The following TTN variants were observed in gnomAD, a reference collection of about 807,000 sequenced individuals.
TTN encodes the protein titin.
Under a neutral mutation model 3,223.0 loss-of-function variants are expected in TTN, and 1,525 were observed. The observed-to-expected ratio is 0.47, with a 90% CI of 0.45 to 0.49. The LOEUF is 0.49. Ranked by LOEUF, TTN falls within the 20% of genes least tolerant of loss-of-function variation. TTN has a pLI of 0.00. For missense variants in TTN, 40,786 were observed against 43,424.0 expected (o/e 0.94, Z 5.40); for synonymous variants, 14,094 against 15,161.0 (o/e 0.93, Z 5.17).
chr2:178,541,695 G>A (rs1455602336), intron 349 of TTN, 111 bp from the exon 350 acceptor site: 14 of 794,548 alleles, frequency 1.8e-5, no homozygotes, highest in Non-Finnish European at 2.5e-5. Flanking sequence ...AGGTACATAA[G>A]GCACATGACT....
chr2:178,749,315 T>C lies in TTN; in HGVS notation c.11311+3809A>G, dbSNP rs920136466. The C allele has an allele frequency of 4.3e-6, 7 of 1,612,180 alleles. No individual in the cohort carries two copies. The African/African-American group carries it at 9.4e-5, about 22-fold the overall frequency. ...TGATTTTTCACTTACATGTCTCTCTTTCCCTTCAGCCTGACATTGTATGAA... is the reference window on the plus strand; with the variant it reads ...TGATTTTTCACTTACATGTCTCTCTCTCCCTTCAGCCTGACATTGTATGAA... On this transcript the variant is annotated intron_variant, in intron 47 of 362. Coordinates refer to ENST00000589042, the MANE Select transcript of TTN (RefSeq NM_001267550.2).
chr2:178,677,782 A>C lies in TTN; in HGVS notation c.34130T>G (p.Val11377Gly). The C allele has an allele frequency of 1.2e-6, 2 of 1,612,642 alleles. No individual in the cohort carries two copies. Among genetic ancestry groups the C allele is most frequent in the Non-Finnish European group, 1.7e-6 (2 of 1,179,114 alleles). Residue 11377 changes from valine to glycine, a missense_variant, in exon 146 of 363, where the codon GTT (valine) becomes GGT (glycine). Transcript: ENST00000589042. ...TAGAACTTCCTCTTCTTCAGGTAGA[A>C]CTTCCTCTTCCTCAGGTAGAACTTC... ...EEEVLPEEEE[V>G]LPEEEEVLPE...
Position 178,597,924 on chromosome 2 carries a change from T to A in TTN, c.57246A>T (p.Glu19082Asp). 6.2e-7 allele frequency: 1 copy of A among 1,613,310 alleles called. No homozygotes were observed. Among genetic ancestry groups the A allele is most frequent in the Non-Finnish European group, 8.5e-7 (1 of 1,179,560 alleles). The change falls in exon 293 of 363, where the codon GAA becomes GAT. Residue 19082 changes from glutamate to aspartate, a missense_variant. Physicochemically the swap from Glu to Asp is conservative, Grantham distance 45. Transcript: ENST00000589042. ...GEPGEVTDVI[E>D]MKDRLVSPDL... ...GATAATTACCAAGTCTGTCCTTCAT[T>A]TCAATGACATCTGTGACCTCTCCAG...
At chr2:178,756,176 G>T (rs766284313) in intron 46 of TTN, 46 bp downstream of exon 46, 10 of 1,388,034 alleles carry the variant, frequency 7.2e-6, no homozygotes, top group Admixed American at 1.9e-5. Flanking sequence ...GCTGCATAAA[G>T]CGATGAGGAT....
chr2:178,714,843 C>G (rs1255956870), intron 90 of TTN, 143 bp downstream of exon 90: 11 of 1,152,550 alleles, frequency 9.5e-6, no homozygotes, highest in Non-Finnish European at 1.3e-5. Context: ...GGGAAGCAGA[C>G]TAAACAGAAA....
At chr2:178,639,149 TTTTC>T (rs2060896796) in intron 223 of TTN, among the ~76,000 whole-genome samples, 1 of 152,072 alleles carries the variant, frequency 6.6e-6, no homozygotes, top group Non-Finnish European at 1.5e-5. Flanking sequence ...TCTTTTTTCT[TTTTC>T]TTTCTTATTG....
intron 6 of TTN, 116 bp downstream of exon 6, chr2:178,799,370 GA>G: frequency 1.3e-6 from 2 of 1,518,020 alleles, no homozygotes. Flanking sequence ...GCGGGACACT[GA>G]AGAAGCGAAC....
rs1367956279 is a variant in TTN at position 178,616,883 on chromosome 2, T to C, written c.48006A>G (p.Val16002=). 1 of 1,612,624 alleles carries C rather than the reference T, an allele frequency of 6.2e-7. No individual in the cohort carries two copies. Among genetic ancestry groups the C allele is most frequent in the Non-Finnish European group, 8.5e-7 (1 of 1,179,198 alleles). The change falls in exon 256 of 363, where the codon GTA becomes GTG. Residue 16002 remains valine, a synonymous_variant. Coordinates refer to ENST00000589042, the MANE Select transcript of TTN (RefSeq NM_001267550.2). ...PTATWCFGDK[V]LETGDRVKMK... is the part of the protein sequence containing the mutation. ...TTTTCACCCGGTCCCCTGTTTCTAG[T>C]ACTTTATCTCCAAAACACCAGGTTG... is the stretch of plus-strand genomic sequence containing the variant.
rs779011085 is a variant in TTN at position 178,619,596 on chromosome 2, G to C, written c.46696+25C>G. 4.4e-6 allele frequency: 7 copies of C among 1,602,990 alleles called. 1 individual carries two copies. In the South Asian group the frequency reaches 6.7e-5, roughly 15 times the overall value. ...AATCTAAACTCTGTGATATTGGAAG[G>C]ATATTTTAAAATAAAGGGACTGACC... On this transcript the variant is annotated intron_variant, in intron 250 of 362. Coordinates refer to ENST00000589042, the MANE Select transcript of TTN (RefSeq NM_001267550.2).
chr2:178,688,310 G>A, intron 126 of TTN, 86 bp from the exon 127 acceptor site: 3 of 1,201,832 alleles, frequency 2.5e-6, no homozygotes, highest in Non-Finnish European at 3.7e-6. Flanking sequence ...ATGGATAACT[G>A]TTCTTCTATC....
chr2:178,612,888 C>G lies in TTN; in HGVS notation c.49833G>C (p.Leu16611Phe), dbSNP rs758670411. ...CCTGTCCTTCCATGAGCCCTGGGAG[C>G]AAGTGCTGAGTGGTGGGAACCCCTT... ...VAEGVPTTQH[L>F]LPGLMEGQEY... is the part of the protein sequence containing the mutation. The change falls in exon 265 of 363, where the codon TTG (leucine) becomes TTC (phenylalanine). Residue 16611 changes from leucine to phenylalanine, a missense_variant. Transcript: ENST00000589042. 1 of 1,612,568 alleles carries G rather than the reference C, an allele frequency of 6.2e-7. No homozygotes were observed. Among genetic ancestry groups the G allele is most frequent in the East Asian group, 2.2e-5 (1 of 44,542 alleles).
At position 178,548,756 on chromosome 2, in the gene TTN, G is replaced by A; in HGVS notation, c.92870C>T (p.Ala30957Val). ...GTTAGAGTCTGGTTTGCTCCACACA[G>A]CTGTAGGAGTAGGTCTACCTTGGTA... ...IAYQGRPTPTAVWSKPDSNLS... is the reference protein window; with the variant it reads ...IAYQGRPTPTVVWSKPDSNLS... Residue 30957 changes from alanine to valine, a missense_variant, in exon 339 of 363, where the codon GCT becomes GTT. By Grantham distance (64) the Ala-to-Val change is moderately conservative (BLOSUM62 0). Coordinates refer to ENST00000589042, the MANE Select transcript of TTN (RefSeq NM_001267550.2). This position sits in a 1 kb window ranked among gnomAD's most constrained non-coding sequence, Gnocchi z 4.3. 1 of 1,613,590 alleles carries A rather than the reference G, an allele frequency of 6.2e-7. No homozygotes were observed. Among genetic ancestry groups the A allele is most frequent in the Non-Finnish European group, 8.5e-7 (1 of 1,179,794 alleles).
At position 178,717,224 on chromosome 2, in the gene TTN, T is replaced by G. The variant is rs761929830; in HGVS notation, c.25510A>C (p.Met8504Leu). The change falls in exon 88 of 363, where the codon ATG becomes CTG. Residue 8504 changes from methionine (M) to leucine (L), a missense_variant. Physicochemically the swap from Met to Leu is conservative, Grantham distance 15. Coordinates refer to ENST00000589042, the MANE Select transcript of TTN (RefSeq NM_001267550.2). The stretch of plus-strand genomic sequence containing the variant: ...GTGGCAGTATTTTCTACCAAAGTCA[T>G]CTTGTAGTTGCCTCCAGGGCGAATC... ...REIRPGGNYK[M>L]TLVENTATLT... The G allele has an allele frequency of 5.0e-6, 8 of 1,613,558 alleles. No homozygotes were observed. The Admixed American group carries it at 1.3e-4, about 27-fold the overall frequency.
intron 98 of TTN, 83 bp from the exon 99 acceptor site, chr2:178,709,939 TA>T (rs2076416351): frequency 2.1e-6 from 3 of 1,396,232 alleles, no homozygotes; most frequent in Non-Finnish European, 2.9e-6. Context: ...AAAACCCTCA[TA>T]TTTTTAGTTA....
intron 47 of TTN, among the ~76,000 whole-genome samples, chr2:178,742,619 A>G (rs1236346826): frequency 3.3e-5 from 5 of 152,148 alleles, no homozygotes; most frequent in Non-Finnish European, 5.9e-5. Flanking sequence ...TTTATTGTAT[A>G]AGAAAACCTA....
chr2:178,633,204 G>A lies in TTN; in HGVS notation c.43069C>T (p.Pro14357Ser), dbSNP rs750958593. 2 of 1,612,842 alleles carry A rather than the reference G, an allele frequency of 1.2e-6. No individual in the cohort carries two copies. Among genetic ancestry groups the A allele is most frequent in the South Asian group, 1.1e-5 (1 of 90,932 alleles). Reference sequence around the variant, plus strand: ...TGACTTACAGGGGAAGCTGTCAAAGGCTGTCCTTTCAGCTTCCACTGGCCG... The same window carrying A: ...TGACTTACAGGGGAAGCTGTCAAAGACTGTCCTTTCAGCTTCCACTGGCCG... ...VHGQWKLKGQ[P>S]LTASPDCEII... Residue 14357 changes from proline to serine, a missense_variant, in exon 233 of 363, where the codon CCT becomes TCT. Transcript: ENST00000589042.
At chr2:178,598,378 G>A (rs2052343988) in intron 292 of TTN, 128 bp downstream of exon 292, 4 of 1,170,482 alleles carry the variant, frequency 3.4e-6, no homozygotes, top group Non-Finnish European at 4.7e-6. Flanking sequence ...TGGAATGTGA[G>A]TTAAAATTAT....
rs527497634 is a variant in TTN, at chr2:178,779,394, T to C, written c.3798A>G (p.Thr1266=). Residue 1266 remains threonine, a synonymous_variant, in exon 23 of 363, where the codon ACA becomes ACG. Transcript: ENST00000589042. ...KEIEYRIIKT[T]LEELLEEDGE... is the part of the protein sequence containing the mutation. ...CATCTTCTTCAAGAAGTTCTTCTAA[T>C]GTAGTCTTTATTATTCTATATTCAA... 6.3e-7 allele frequency: 1 copy of C among 1,599,106 alleles called. No homozygotes were observed. The highest frequency in any genetic ancestry group is 1.3e-5 in the African/African-American group (1 of 74,564).
In TTN at chr2:178,573,329, C is replaced by T. The variant is rs140018785; in HGVS notation, c.72803G>A (p.Arg24268His). 341 of 1,553,828 alleles carry T rather than the reference C, an allele frequency of 2.2e-4. 1 individual carries two copies. In the East Asian group the frequency reaches 7.2e-3, roughly 33 times the overall value. The change falls in exon 326 of 363, where the codon CGC (arginine) becomes CAC (histidine). Residue 24268 changes from arginine to histidine, a missense_variant. Transcript: ENST00000589042. Reference sequence around the variant, plus strand: ...AGTTTTTTTGTTGCATTTAATCCAGCGTTGGCCAGCTTTATCACGCCGTTC... The same window carrying T: ...AGTTTTTTTGTTGCATTTAATCCAGTGTTGGCCAGCTTTATCACGCCGTTC... ...IVERRDKAGQ[R>H]WIKCNKKTLT...
Sources: gnomAD v4.1 joint callset for allele counts (sites outside exome capture counted in the v4.1 genomes callset) on GRCh38, gnomAD v4.1.1 for gene constraint, Gnocchi (gnomAD v3.1) non-coding constraint, MANE v1.5 for transcripts, NCBI Gene and HGNC (gene_info 2026-07-23, HGNC 2026-07-21) for gene names.